Variants in CSF2RA observed in about 807,000 individuals in gnomAD.
CSF2RA encodes the protein colony stimulating factor 2 receptor subunit alpha, also known as granulocyte-macrophage colony-stimulating factor receptor subunit alpha.
A neutral mutation model predicts 51.6 loss-of-function variants in CSF2RA; 42 were observed. The ratio of observed to expected loss-of-function variants is 0.81; its 90% CI spans 0.64 to 1.05. The LOEUF (loss-of-function observed/expected upper bound fraction) is 1.05, where lower values mean the gene tolerates loss of function less well. Among genes scored for constraint, CSF2RA ranks in the 50% least tolerant of loss-of-function variants. The probability of loss-of-function intolerance (pLI) is 0.00; values close to 1 mark genes in which losing one functional copy is unlikely to be tolerated. For synonymous variants in CSF2RA, 222 were observed against 193.0 expected (o/e 1.15, Z -1.24); for missense variants, 530 against 501.1 (o/e 1.06, Z -0.55).
At chrX:1,301,858 G>A (rs190130049) in intron 10 of CSF2RA, among the ~76,000 whole-genome samples, 203 of 148,752 alleles carry the variant, frequency 1.4e-3, no homozygotes, top group African/African-American at 4.3e-3. Flanking sequence ...CGCCCACCTC[G>A]GCCTCCCAAA....
At chrX:1,270,474 A>G (rs1439097766) in intron 1 of CSF2RA, among the ~76,000 whole-genome samples, 2 of 151,934 alleles carry the variant, frequency 1.3e-5, no homozygotes, top group African/African-American at 4.8e-5. Context: ...CCTAGACTCA[A>G]TCTATCTTCC....
downstream of CSF2RA, among the ~76,000 whole-genome samples, chrX:1,315,168 G>A (rs1223375261): frequency 6.6e-6 from 1 of 152,124 alleles, no homozygotes. Context: ...GGTTGTGCAG[G>A]TGGAGAAAAG....
intron 7 of CSF2RA, among the ~76,000 whole-genome samples, chrX:1,291,872 G>T (rs2091434276): frequency 6.8e-6 from 1 of 146,940 alleles, no homozygotes; most frequent in African/African-American, 2.5e-5. Context: ...TAGTCAAAGA[G>T]ATGTCCCTAC....
intron 2 of CSF2RA, 140 bp from the exon 3 acceptor site, chrX:1,282,538 G>C (rs2090172973): frequency 2.7e-6 from 2 of 740,996 alleles, no homozygotes; most frequent in Admixed American, 3.8e-5. Context: ...TTCCCAGCTG[G>C]CCATGACCCC....
chrX:1,281,828 T>A (rs1419249317), intron 2 of CSF2RA: 1 of 147,504 alleles, frequency 6.8e-6, no homozygotes, highest in African/African-American at 2.5e-5. Context: ...ACCCTTTTTT[T>A]CTTCCTCTTC....
At chrX:1,279,082 G>A (rs1458272033) in intron 2 of CSF2RA, among the ~76,000 whole-genome samples, 1 of 150,798 alleles carries the variant, frequency 6.6e-6, no homozygotes, top group Non-Finnish European at 1.5e-5. Context: ...TACGTACAGT[G>A]GCTCACACCT....
intron 1 of CSF2RA, among the ~76,000 whole-genome samples, chrX:1,273,496 T>C (rs2088718857): frequency 6.6e-6 from 1 of 150,902 alleles, no homozygotes; most frequent in Non-Finnish European, 1.5e-5. Flanking sequence ...TTTTTGTTTT[T>C]TGTTTTTTTT....
At chrX:1,276,968 G>C (rs2089263338) in intron 2 of CSF2RA, among the ~76,000 whole-genome samples, 1 of 151,834 alleles carries the variant, frequency 6.6e-6, no homozygotes. Flanking sequence ...GCGTGGTGGT[G>C]CATGCCTGTA....
At chrX:1,303,792 G>GA (rs2083260796) in intron 10 of CSF2RA, 131 bp from the exon 11 acceptor site, 1 of 850,820 alleles carries the variant, frequency 1.2e-6, no homozygotes, top group South Asian at 1.3e-5. Context: ...AGGGAGGCAG[G>GA]TTTGCTGGGC....
At chrX:1,280,429 C>A (rs1341554902) in intron 2 of CSF2RA, among the ~76,000 whole-genome samples, 1 of 149,678 alleles carries the variant, frequency 6.7e-6, no homozygotes, top group East Asian at 2.0e-4. Flanking sequence ...CAAGATTGCA[C>A]CACTGCACTC....
intron 10 of CSF2RA, among the ~76,000 whole-genome samples, chrX:1,302,724 C>T (rs1279576792): frequency 5.3e-5 from 8 of 150,120 alleles, no homozygotes; most frequent in South Asian, 2.1e-4. Flanking sequence ...GATGGAGTTT[C>T]GCTGTGTCAC....
At chrX:1,270,346 C>G (rs2088210520) in intron 1 of CSF2RA, among the ~76,000 whole-genome samples, 1 of 151,920 alleles carries the variant, frequency 6.6e-6, no homozygotes, top group Admixed American at 6.6e-5. Context: ...CTCAAGCAAT[C>G]CTCCCATCTC....
At chrX:1,313,664 A>T (rs186249635), downstream of CSF2RA, among the ~76,000 whole-genome samples, 505 of 151,020 alleles carry the variant, frequency 3.3e-3, 2 homozygotes, top group African/African-American at 0.012. Context: ...GTGAGCCAAG[A>T]TCACGCCATT....
At chrX:1,271,370 T>C (rs1227858387) in intron 1 of CSF2RA, among the ~76,000 whole-genome samples, 3 of 62,886 alleles carry the variant, frequency 4.8e-5, no homozygotes, top group South Asian at 4.9e-4. Flanking sequence ...GACAGCGTCT[T>C]GCTCTGTCGC....
intron 12 of CSF2RA, among the ~76,000 whole-genome samples, chrX:1,307,307 TCTC>T: frequency 6.6e-6 from 1 of 152,220 alleles, no homozygotes; most frequent in East Asian, 1.9e-4. Flanking sequence ...GGCCCACTCT[TCTC>T]CTTTACACTT....
rs1255273173 is a variant in CSF2RA, at chrX:1,309,772, C to G, written c.*293C>G. On this transcript the variant is annotated 3_prime_UTR_variant, in exon 13 of 13. Transcript: ENST00000381529. ...GCACGGCGGCGGACGCCCATCATCCCAGCTACTTGGGAGGCTGAGGCAGGA... is the reference window on the plus strand; with the variant it reads ...GCACGGCGGCGGACGCCCATCATCCGAGCTACTTGGGAGGCTGAGGCAGGA... The G allele has an allele frequency of 1.5e-6, 1 of 652,938 alleles. No homozygotes were observed. Among genetic ancestry groups the G allele is most frequent in the African/African-American group, 1.8e-5 (1 of 55,370 alleles). The allele number at this position is 652,938 out of a possible 1,614,324, so 40.4% of individuals were successfully genotyped here.
intron 1 of CSF2RA, among the ~76,000 whole-genome samples, chrX:1,273,499 TTTTTTTTTTAG>T (rs2088722392): frequency 7.1e-6 from 1 of 140,572 alleles, no homozygotes; most frequent in Non-Finnish European, 1.5e-5. Context: ...TTGTTTTTTG[TTTTTTTTTTAG>T]TAGAGATGGG....
chrX:1,297,066 C>G (rs1181938678), intron 9 of CSF2RA, among the ~76,000 whole-genome samples: 8 of 48,250 alleles, frequency 1.7e-4, no homozygotes, highest in African/African-American at 4.4e-4. Flanking sequence ...GACCCCTACA[C>G]TTTCCTACCC....
At chrX:1,271,614 T>TAAAG (rs2088440717) in intron 1 of CSF2RA, among the ~76,000 whole-genome samples, 1 of 152,064 alleles carries the variant, frequency 6.6e-6, no homozygotes, top group Non-Finnish European at 1.5e-5. Flanking sequence ...CCTCCCGGGT[T>TAAAG]CAAGTGATTC....
Sources: allele counts gnomAD v4.1 joint callset (sites outside exome capture counted in the v4.1 genomes callset), GRCh38; gene constraint gnomAD v4.1.1; transcripts MANE v1.5; gene names NCBI Gene and HGNC (gene_info 2026-07-23, HGNC 2026-07-21).